Variants in AGAP1 observed in about 807,000 individuals in gnomAD.
The protein encoded by AGAP1 is arf-GAP with GTPase, ANK repeat and PH domain-containing protein 1.
Under a neutral mutation model 105.3 loss-of-function variants are expected in AGAP1, and 29 were observed. The observed-to-expected ratio is 0.28, with a 90% CI of 0.21 to 0.38. AGAP1 has a LOEUF of 0.38. Ranked by LOEUF, AGAP1 falls within the 10% of genes least tolerant of loss-of-function variation. AGAP1 has a pLI of 1.00. For missense variants in AGAP1, 998 were observed against 1,165.1 expected, an observed-to-expected ratio of 0.86 and a Z score of 2.09; for synonymous variants, 509 against 485.9, an observed-to-expected ratio of 1.05 and a Z score of -0.63.
chr2:235,921,280 C>A (rs928327195), intron 11 of AGAP1, among the ~76,000 whole-genome samples: 2 of 152,076 alleles, frequency 1.3e-5, no homozygotes, highest in African/African-American at 4.8e-5. Flanking sequence ...TACATAACAA[C>A]ATGGGGAAAA....
chr2:236,004,356 G>T (rs1352881762), intron 13 of AGAP1, among the ~76,000 whole-genome samples: 1 of 152,164 alleles, frequency 6.6e-6, no homozygotes, highest in African/African-American at 2.4e-5. Flanking sequence ...TAGAAACTGG[G>T]ATCCACATTC....
chr2:236,127,228 C>T lies in AGAP1; in HGVS notation c.*3106C>T, dbSNP rs2060017891. On this transcript the variant is annotated 3_prime_UTR_variant, in exon 18 of 18. Coordinates refer to ENST00000304032, the MANE Select transcript of AGAP1 (RefSeq NM_001037131.3). The surrounding 1 kb of genome is among the most constrained non-coding windows in gnomAD (Gnocchi z 6.6). ...GCAGAAACACCCCGCAGGGACAGTA[C>T]TCTGTGATTCTGACCTCAGGTGCTG... 1 of 152,188 alleles carries T rather than the reference C, an allele frequency of 6.6e-6. No homozygotes were observed. The highest frequency in any genetic ancestry group is 1.5e-5 in the Non-Finnish European group (1 of 68,046). The allele number at this position is 152,188 out of a possible 1,614,324, so 9.4% of individuals were successfully genotyped here.
intron 2 of AGAP1, among the ~76,000 whole-genome samples, chr2:235,711,061 G>A (rs1360935435): frequency 6.6e-6 from 1 of 152,190 alleles, no homozygotes; most frequent in Non-Finnish European, 1.5e-5. Flanking sequence ...GTGTGAGCCT[G>A]GAGCTGGTGC....
At chr2:236,069,926 C>T (rs1181038871) in intron 16 of AGAP1, among the ~76,000 whole-genome samples, 1 of 152,234 alleles carries the variant, frequency 6.6e-6, no homozygotes, top group Non-Finnish European at 1.5e-5. Flanking sequence ...CTATCTATGA[C>T]ATCAGAGCCG....
chr2:235,570,645 A>G (rs1403168810), intron 1 of AGAP1, among the ~76,000 whole-genome samples: 2 of 152,222 alleles, frequency 1.3e-5, no homozygotes, highest in African/African-American at 4.8e-5. Context: ...TGGCCTCGGC[A>G]TTAGAGACTA....
chr2:235,647,647 C>T (rs761692302), intron 1 of AGAP1, among the ~76,000 whole-genome samples: 25 of 152,152 alleles, frequency 1.6e-4, no homozygotes, highest in Non-Finnish European at 3.2e-4. Context: ...CTTGCCCTCC[C>T]AAAATGCTGA....
intron 9 of AGAP1, among the ~76,000 whole-genome samples, chr2:235,849,453 G>A (rs1961899708): frequency 6.9e-6 from 1 of 145,142 alleles, no homozygotes; most frequent in South Asian, 2.4e-4. Context: ...ATAGAAACAA[G>A]CTAATGTTAA....
In AGAP1 at chr2:235,670,483, G is replaced by A. The variant is rs746431067; in HGVS notation, c.164-38696G>A. ...TGGCCGGCAGCGCCCCGGCCGAGGA[G>A]GAGGGACGCGGCTCGCCCGCGTCCG... On this transcript the variant is annotated intron_variant, in intron 1 of 17. Coordinates refer to ENST00000304032, the MANE Select transcript of AGAP1 (RefSeq NM_001037131.3). 8 of 517,134 alleles carry A rather than the reference G, an allele frequency of 1.5e-5. No individual in the cohort carries two copies. The South Asian group carries it at 1.9e-4, about 12-fold the overall frequency. 32.0% of individuals were successfully genotyped at this position (517,134 alleles called of 1,614,324 possible). A position where few individuals can be genotyped will look rare whatever the true frequency, so the allele number is the denominator to read the frequency against.
At position 235,994,439 on chromosome 2, in the gene AGAP1, G is replaced by C. The variant is rs1023230736; in HGVS notation, c.1645+25816G>C. 6.6e-6 allele frequency among the ~76,000 whole-genome samples: 1 copy of C among 152,158 alleles called. No homozygotes were observed. Among genetic ancestry groups the C allele is most frequent in the African/African-American group, 2.4e-5 (1 of 41,442 alleles). On this transcript the variant is annotated intron_variant, in intron 13 of 17. Coordinates refer to ENST00000304032, the MANE Select transcript of AGAP1 (RefSeq NM_001037131.3). The surrounding 1 kb of genome is among the most constrained non-coding windows in gnomAD (Gnocchi z 4.4). ...AACAACTTTCTTAGTGCTTGTACTT[G>C]TGTGCCTCTTGGAGTTACTTGTTGA...
intron 1 of AGAP1, among the ~76,000 whole-genome samples, chr2:235,675,236 C>G (rs998736908): frequency 3.7e-4 from 54 of 144,218 alleles, no homozygotes; most frequent in African/African-American, 1.3e-3. Context: ...GTCGCCCAGG[C>G]TGGAGTGCAG....
chr2:235,931,458 G>A lies in AGAP1; in HGVS notation c.1483+535G>A, dbSNP rs2052716334. Among the ~76,000 whole-genome samples the A allele has an allele frequency of 6.6e-6, 1 of 151,666 alleles. No homozygotes were observed. The highest frequency in any genetic ancestry group is 1.5e-5 in the Non-Finnish European group (1 of 67,970). On this transcript the variant is annotated intron_variant, in intron 12 of 17. Transcript: ENST00000304032. This position sits in a 1 kb window ranked among gnomAD's most constrained non-coding sequence, Gnocchi z 5.6. Reference sequence around the variant, plus strand: ...GCATTATTATTATTATTATTATTTTGACAAGTGTATCCAGCTTTTTGGGGA... The same window carrying A: ...GCATTATTATTATTATTATTATTTTAACAAGTGTATCCAGCTTTTTGGGGA...
At position 236,056,222 on chromosome 2, in the gene AGAP1, A is replaced by C. The variant is rs2058048617; in HGVS notation, c.2114+6941A>C. Among the ~76,000 whole-genome samples the C allele has an allele frequency of 6.6e-6, 1 of 152,230 alleles. No individual in the cohort carries two copies. Among genetic ancestry groups the C allele is most frequent in the African/African-American group, 2.4e-5 (1 of 41,472 alleles). Reference sequence around the variant, plus strand: ...GCATTTGCCTTTGAACCAGACAGACAGAATGGTGCTCTCGGTTTATCATGC... The same window carrying C: ...GCATTTGCCTTTGAACCAGACAGACCGAATGGTGCTCTCGGTTTATCATGC... On this transcript the variant is annotated intron_variant, in intron 16 of 17. Transcript: ENST00000304032. This position sits in a 1 kb window ranked among gnomAD's most constrained non-coding sequence, Gnocchi z 4.6.
chr2:235,801,174 G>T lies in AGAP1; in HGVS notation c.957+1652G>T, dbSNP rs1957477252. Reference sequence around the variant, plus strand: ...CCACAGAGGCCACTGCTGGGCAGCAGGGTGAGGACTGATCAGACAGACCAA... The same window carrying T: ...CCACAGAGGCCACTGCTGGGCAGCATGGTGAGGACTGATCAGACAGACCAA... On this transcript the variant is annotated intron_variant, in intron 8 of 17. Coordinates refer to ENST00000304032, the MANE Select transcript of AGAP1 (RefSeq NM_001037131.3). This position sits in a 1 kb window ranked among gnomAD's most constrained non-coding sequence, Gnocchi z 6.0. Among the ~76,000 whole-genome samples, 1 of 152,144 alleles carries T rather than the reference G, an allele frequency of 6.6e-6. No homozygotes were observed. Among genetic ancestry groups the T allele is most frequent in the Non-Finnish European group, 1.5e-5 (1 of 68,040 alleles).
In AGAP1 at chr2:235,569,144, G is replaced by A. The variant is rs560063189; in HGVS notation, c.163+74295G>A. 3.3e-5 allele frequency among the ~76,000 whole-genome samples: 5 copies of A among 152,284 alleles called. No homozygotes were observed. Among genetic ancestry groups the A allele is most frequent in the South Asian group, 2.1e-4 (1 of 4,818 alleles). On this transcript the variant is annotated intron_variant, in intron 1 of 17. Transcript: ENST00000304032. This position sits in a 1 kb window ranked among gnomAD's most constrained non-coding sequence, Gnocchi z 5.9. ...ATCCTGGCCAACATGGCGGAAACCC[G>A]TCTCTATTAAAAGTATAAAAATTAG...
At chr2:235,916,086 A>G (rs1244177522) in intron 11 of AGAP1, among the ~76,000 whole-genome samples, 1 of 152,210 alleles carries the variant, frequency 6.6e-6, no homozygotes, top group East Asian at 1.9e-4. Flanking sequence ...TAGAAAAAAA[A>G]GACATCTTTA....
At position 235,788,621 on chromosome 2, in the gene AGAP1, T is replaced by A. The variant is rs72983007; in HGVS notation, c.674-9138T>A. 7.2e-5 allele frequency among the ~76,000 whole-genome samples: 11 copies of A among 151,746 alleles called. No homozygotes were observed. The highest frequency in any genetic ancestry group is 6.6e-4 in the Admixed American group (10 of 15,254). On this transcript the variant is annotated intron_variant, in intron 6 of 17. Coordinates refer to ENST00000304032, the MANE Select transcript of AGAP1 (RefSeq NM_001037131.3). The surrounding 1 kb of genome is among the most constrained non-coding windows in gnomAD (Gnocchi z 6.0). ...GGTCCATCGGTGTCGTCAGTGCACA[T>A]CCCGGTGCTTGGAACTGACTGGTGG...
intron 9 of AGAP1, among the ~76,000 whole-genome samples, chr2:235,849,448 A>C (rs976404499): frequency 6.7e-6 from 1 of 148,442 alleles, no homozygotes; most frequent in African/African-American, 2.5e-5. Context: ...AGATGATAGA[A>C]ACAAGCTAAT....
chr2:235,885,731 A>G (rs958422425), intron 10 of AGAP1, among the ~76,000 whole-genome samples: 2 of 152,242 alleles, frequency 1.3e-5, no homozygotes, highest in African/African-American at 4.8e-5. Context: ...TAGCGTAGCT[A>G]TACCTTTCAG....
intron 9 of AGAP1, among the ~76,000 whole-genome samples, chr2:235,817,414 A>C (rs891690579): frequency 6.6e-6 from 1 of 152,036 alleles, no homozygotes; most frequent in South Asian, 2.1e-4. Flanking sequence ...CATTTTTATC[A>C]GATAGTTTTG....
Sources: gnomAD v4.1 joint callset for allele counts (sites outside exome capture counted in the v4.1 genomes callset) on GRCh38, gnomAD v4.1.1 for gene constraint, Gnocchi (gnomAD v3.1) non-coding constraint, MANE v1.5 for transcripts, NCBI Gene and HGNC (gene_info 2026-07-23, HGNC 2026-07-21) for gene names.